Variants in OBSL1 observed in about 807,000 individuals in gnomAD.
OBSL1 encodes obscurin-like protein 1.
A neutral mutation model predicts 172.0 loss-of-function variants in OBSL1; 160 were observed. The observed-to-expected ratio is 0.93, with a 90% confidence interval of 0.82 to 1.06. The LOEUF (loss-of-function observed/expected upper bound fraction) is 1.06, where lower values mean the gene tolerates loss of function less well. OBSL1 is among the 50% of genes least tolerant of loss of function. The pLI is 0.00. For missense variants in OBSL1, 2,681 were observed against 2,715.4 expected (o/e 0.99, Z 0.28); for synonymous variants, 1,200 against 1,196.3 (o/e 1.00, Z -0.06).
chr2:219,553,064 TGG>T (rs769251722), intron 16 of OBSL1, 40 bp from the exon 17 acceptor site: 48 of 1,428,480 alleles, frequency 3.4e-5, no homozygotes, highest in African/African-American at 4.5e-5. Flanking sequence ...CGAGCCCGGC[TGG>T]GCACAGGCGA....
At chr2:219,556,387 C>A in intron 13 of OBSL1, 67 bp downstream of exon 13, 2 of 1,594,244 alleles carry the variant, frequency 1.3e-6, no homozygotes, top group Non-Finnish European at 1.7e-6. Context: ...AGAGGCAAGG[C>A]TGCTGGAATC....
At position 219,558,331 on chromosome 2, in the gene OBSL1, G is replaced by T. The variant is rs750782462; in HGVS notation, c.3355C>A (p.Leu1119Met). Residue 1119 changes from leucine to methionine, a missense_variant, in exon 10 of 21, where the codon CTG becomes ATG. By Grantham distance (15) the Leu-to-Met change is conservative (BLOSUM62 2). Around this residue, in one of 5 missense-constraint regions of OBSL1, gnomAD observed 1,765 missense variants for 1,748.3 expected, o/e 1.01. Coordinates refer to ENST00000404537, the MANE Select transcript of OBSL1 (RefSeq NM_015311.3). ...GSQVRWYKDG[L>M]EVEASDALQL... ...AGGGCATCTGATGCCTCCACTTCCA[G>T]CCCGTCCTTGTACCAGCGCACCTGA... The T allele has an allele frequency of 1.4e-5, 22 of 1,612,696 alleles. No homozygotes were observed. In the South Asian group the frequency reaches 2.1e-4, roughly 15 times the overall value.
chr2:219,566,915 C>A lies in OBSL1; in HGVS notation c.2049G>T (p.Leu683=), dbSNP rs1431616818. The A allele has an allele frequency of 6.2e-7, 1 of 1,611,326 alleles. No individual in the cohort carries two copies. Among genetic ancestry groups the A allele is most frequent in the Non-Finnish European group, 8.5e-7 (1 of 1,177,836 alleles). Residue 683 remains leucine, a synonymous_variant, in exon 5 of 21, where the codon CTG becomes CTT. Transcript: ENST00000404537. ...CGCTGTCCTGGTGCTTGACGGCATG[C>A]AGGATGAGTCTGTGCTGCAGACCCT... The part of the protein sequence containing the change: ...EQKGLQHRLI[L]HAVKHQDSGA...
In OBSL1 at chr2:219,557,508, G is replaced by A. The variant is rs377159982; in HGVS notation, c.3901C>T (p.Arg1301Cys). Residue 1301 changes from arginine (R) to cysteine (C), a missense_variant, in exon 12 of 21, where the codon CGC (arginine) becomes TGC (cysteine). Around this residue, in one of 5 missense-constraint regions of OBSL1, gnomAD observed 1,765 missense variants for 1,748.3 expected, o/e 1.01. Transcript: ENST00000404537. Reference sequence around the variant, plus strand: ...AGTCGCTCCCCGTCCTTGTACCAGCGTACAGGGCCCCCTGGCCCGGAGAGG... The same window carrying A: ...AGTCGCTCCCCGTCCTTGTACCAGCATACAGGGCCCCCTGGCCCGGAGAGG... ...VHLSGPGGPV[R>C]WYKDGERLAS... is the part of the protein sequence containing the mutation. 4.2e-5 allele frequency: 65 copies of A among 1,553,340 alleles called. 1 individual carries two copies. Among genetic ancestry groups the A allele is most frequent in the Non-Finnish European group, 5.2e-5 (60 of 1,149,112 alleles).
intron 18 of OBSL1, 79 bp downstream of exon 18, chr2:219,552,457 G>T: frequency 7.0e-7 from 1 of 1,429,406 alleles, no homozygotes; most frequent in Non-Finnish European, 9.4e-7. Context: ...CAGGGGCGGG[G>T]CTTGTCCCGG....
intron 8 of OBSL1, among the ~76,000 whole-genome samples, chr2:219,561,243 G>A (rs1696442751): frequency 6.6e-6 from 1 of 152,064 alleles, no homozygotes; most frequent in South Asian, 2.1e-4. Flanking sequence ...GTAGGATGGG[G>A]GCTCCAGTGC....
chr2:219,550,628 C>T (rs1157790802), downstream of OBSL1: 29 of 609,132 alleles, frequency 4.8e-5, no homozygotes, highest in Non-Finnish European at 8.2e-5. Context: ...CTTTCATGGG[C>T]CAGGTACAAG....
In OBSL1 at chr2:219,551,536, C is replaced by G. The variant is rs3795991; in HGVS notation, c.5676G>C (p.Leu1892=). Reference sequence around the variant, plus strand: ...CCAGTTGGCTTTACTCACCCTCTACCAGCAGCCGTGTGTGGGTGCTGTCCT... The same window carrying G: ...CCAGTTGGCTTTACTCACCCTCTACGAGCAGCCGTGTGTGGGTGCTGTCCT... ...AGQDSTHTRL[L]VEGN Residue 1892 remains leucine (L), a synonymous_variant, in exon 20 of 21, where the codon CTG becomes CTC. Transcript: ENST00000404537. 2 of 1,589,992 alleles carry G rather than the reference C, an allele frequency of 1.3e-6. No individual in the cohort carries two copies. Among genetic ancestry groups the G allele is most frequent in the Non-Finnish European group, 1.7e-6 (2 of 1,168,186 alleles).
Position 219,551,055 on chromosome 2 carries a change from T to C in OBSL1, c.5684-213A>G. The C allele has an allele frequency of 2.1e-6, 3 of 1,429,848 alleles. No individual in the cohort carries two copies. In the South Asian group the frequency reaches 4.5e-5, roughly 21 times the overall value. The allele number at this position is 1,429,848 out of a possible 1,614,324, so 88.6% of individuals were successfully genotyped here. A position where few individuals can be genotyped will look rare whatever the true frequency, so the allele number is the denominator to read the frequency against. Reference sequence around the variant, plus strand: ...CGGCACCTGAAGGGAATGCTGGGATTTGGGATAGAAGGTGGGATGTCTCTT... The same window carrying C: ...CGGCACCTGAAGGGAATGCTGGGATCTGGGATAGAAGGTGGGATGTCTCTT... On this transcript the variant is annotated intron_variant, in intron 20 of 20. Coordinates refer to ENST00000404537, the MANE Select transcript of OBSL1 (RefSeq NM_015311.3).
intron 6 of OBSL1, among the ~76,000 whole-genome samples, 159 bp from the exon 7 acceptor site, chr2:219,563,786 GGGCATGGCAGGTGA>G (rs565279700): frequency 6.6e-6 from 1 of 152,294 alleles, no homozygotes; most frequent in South Asian, 2.1e-4. Context: ...GGAATGCTGA[GGGCATGGCAGGTGA>G]GGCATGGCAG....
chr2:219,553,441 A>G, intron 16 of OBSL1, 133 bp downstream of exon 16: 1 of 729,636 alleles, frequency 1.4e-6, no homozygotes, highest in Non-Finnish European at 2.4e-6. Flanking sequence ...CCTTGGAGTA[A>G]GGGATTAAAT....
At chr2:219,549,674 G>A (rs745990581), downstream of OBSL1, 12 of 1,604,352 alleles carry the variant, frequency 7.5e-6, no homozygotes, top group Middle Eastern at 1.7e-4. Context: ...TTTTAGGGCA[G>A]GATTCTGCGG....
downstream of OBSL1, chr2:219,549,819 C>G (rs911325974): frequency 4.3e-6 from 7 of 1,614,128 alleles, no homozygotes; most frequent in Non-Finnish European, 5.9e-6. Context: ...CCGGGGACCT[C>G]TGACAGCCTG....
intron 6 of OBSL1, 62 bp downstream of exon 6, chr2:219,565,180 T>C: frequency 1.2e-5 from 18 of 1,512,956 alleles, no homozygotes; most frequent in Non-Finnish European, 1.5e-5. Flanking sequence ...CCAGAGGGCA[T>C]GGCTTATGCG....
downstream of OBSL1, among the ~76,000 whole-genome samples, chr2:219,548,840 G>A (rs1252952359): frequency 1.3e-5 from 2 of 152,164 alleles, no homozygotes; most frequent in East Asian, 3.9e-4. Flanking sequence ...AACCAGTGAA[G>A]AAGCAGCTGT....
At chr2:219,558,627 T>C (rs1696223278) in intron 9 of OBSL1, among the ~76,000 whole-genome samples, 168 bp from the exon 10 acceptor site, 1 of 152,244 alleles carries the variant, frequency 6.6e-6, no homozygotes, top group African/African-American at 2.4e-5. Flanking sequence ...AAGAACCCTG[T>C]GTTTTTTCAA....
chr2:219,550,999 G>C lies in OBSL1; in HGVS notation c.5684-157C>G, dbSNP rs1695574570. ...GTTAGGGCTGTCTTGGCGGCAGGAA[G>C]GTGGGGGTCAGCTAGGGGTGGGGCA... On this transcript the variant is annotated intron_variant, in intron 20 of 20. Coordinates refer to ENST00000404537, the MANE Select transcript of OBSL1 (RefSeq NM_015311.3). 4 of 1,493,722 alleles carry C rather than the reference G, an allele frequency of 2.7e-6. No individual in the cohort carries two copies. The Admixed American group carries it at 6.4e-5, about 24-fold the overall frequency. The allele number at this position is 1,493,722 out of a possible 1,614,324, so 92.5% of individuals were successfully genotyped here. A position where few individuals can be genotyped will look rare whatever the true frequency, so the allele number is the denominator to read the frequency against.
At chr2:219,565,212 G>A (rs192012972) in intron 6 of OBSL1, 30 bp downstream of exon 6, 3 of 1,581,134 alleles carry the variant, frequency 1.9e-6, no homozygotes, top group East Asian at 2.3e-5. Flanking sequence ...AGCCTTGGCT[G>A]GAGGAGCCCA....
At position 219,556,309 on chromosome 2, in the gene OBSL1, A is replaced by T; in HGVS notation, c.4337-17T>A. 6.4e-7 allele frequency: 1 copy of T among 1,571,222 alleles called. No homozygotes were observed. Among genetic ancestry groups the T allele is most frequent in the Non-Finnish European group, 8.7e-7 (1 of 1,155,352 alleles). ...GCTCTGTCTCTGGTGGGGAAGAAGGAGGCCATGGAGTCTGGTGGGGTTGGA... is the reference window on the plus strand; with the variant it reads ...GCTCTGTCTCTGGTGGGGAAGAAGGTGGCCATGGAGTCTGGTGGGGTTGGA... On this transcript the variant is annotated splice_polypyrimidine_tract_variant and intron_variant, in intron 13 of 20. Transcript: ENST00000404537.
Sources: gnomAD v4.1 joint callset for allele counts (sites outside exome capture counted in the v4.1 genomes callset) on GRCh38, gnomAD v4.1.1 for gene constraint, gnomAD v4.1.1 regional missense constraint, MANE v1.5 for transcripts, NCBI Gene and HGNC (gene_info 2026-07-23, HGNC 2026-07-21) for gene names.